The following KIAA1217 variants were observed in gnomAD, a reference collection of about 807,000 sequenced individuals.
KIAA1217 encodes the protein sickle tail protein homolog.
KIAA1217 carries 88 observed loss-of-function variants against 163.9 expected under a neutral mutation model. That is an observed-to-expected ratio of 0.54 (90% CI 0.45 to 0.64). The LOEUF (loss-of-function observed/expected upper bound fraction) is 0.64. Ranked by LOEUF, KIAA1217 falls within the 30% of genes least tolerant of loss-of-function variation. The probability of loss-of-function intolerance (pLI) is 0.00; values close to 1 mark genes in which losing one functional copy is unlikely to be tolerated. For missense variants in KIAA1217, 2,372 were observed against 2,475.0 expected, an observed-to-expected ratio of 0.96 and a Z score of 0.88; for synonymous variants, 903 against 923.1, an observed-to-expected ratio of 0.98 and a Z score of 0.39.
intron 2 of KIAA1217, among the ~76,000 whole-genome samples, chr10:24,274,825 T>A (rs2077107133): frequency 6.6e-6 from 1 of 152,224 alleles, no homozygotes; most frequent in Non-Finnish European, 1.5e-5. Context: ...ATTTTTTGTG[T>A]AAGGTGTATC....
intron 1 of KIAA1217, among the ~76,000 whole-genome samples, chr10:23,908,510 C>G (rs1485671065): frequency 1.3e-5 from 2 of 151,986 alleles, no homozygotes; most frequent in African/African-American, 4.8e-5. Context: ...CAGATACAAC[C>G]CTCAACTGTT....
rs759548260 is a variant in KIAA1217, at chr10:24,473,573, C to G, written c.1192C>G (p.Leu398Val). The change falls in exon 6 of 21, where the codon CTT (leucine) becomes GTT (valine). Residue 398 changes from leucine (L) to valine (V), a missense_variant. Transcript: ENST00000376454. ...RNEGFYADPY[L>V]YHEGRMSIAS... ...TGAGGGTTTCTATGCTGATCCTTAC[C>G]TTTATCACGAGGGACGGATGAGCAT... 1.2e-6 allele frequency: 2 copies of G among 1,614,154 alleles called. No individual in the cohort carries two copies. The highest frequency in any genetic ancestry group is 1.7e-6 in the Non-Finnish European group (2 of 1,180,026).
intron 2 of KIAA1217, among the ~76,000 whole-genome samples, chr10:24,150,890 G>A (rs1209787713): frequency 6.6e-6 from 1 of 152,148 alleles, no homozygotes; most frequent in Non-Finnish European, 1.5e-5. Context: ...CTTTCCCCAG[G>A]GGGTACTGAG....
At chr10:24,186,894 A>G (rs189753910) in intron 2 of KIAA1217, among the ~76,000 whole-genome samples, 7 of 152,284 alleles carry the variant, frequency 4.6e-5, no homozygotes, top group Non-Finnish European at 8.8e-5. Flanking sequence ...CGTCTAAAAA[A>G]AACAAAACGA....
chr10:24,404,895 T>C (rs2057034398), intron 3 of KIAA1217, among the ~76,000 whole-genome samples: 1 of 152,202 alleles, frequency 6.6e-6, no homozygotes, highest in South Asian at 2.1e-4. Flanking sequence ...TTACATACTG[T>C]ACCATTCCAC....
chr10:24,376,205 C>G (rs2134655279), intron 2 of KIAA1217, among the ~76,000 whole-genome samples: 1 of 152,332 alleles, frequency 6.6e-6, no homozygotes, highest in South Asian at 2.1e-4. Context: ...CACTACCTAG[C>G]TACATATATC....
intron 1 of KIAA1217, among the ~76,000 whole-genome samples, chr10:23,916,533 T>C (rs1286927643): frequency 1.3e-5 from 2 of 152,178 alleles, no homozygotes; most frequent in Non-Finnish European, 2.9e-5. Flanking sequence ...TTTAATGCTC[T>C]GGTAGTGCTA....
chr10:24,186,194 T>C (rs2066422216), intron 2 of KIAA1217, among the ~76,000 whole-genome samples: 1 of 152,076 alleles, frequency 6.6e-6, no homozygotes, highest in African/African-American at 2.4e-5. Flanking sequence ...TGCCCTGACT[T>C]TTTCAATTTT....
intron 1 of KIAA1217, among the ~76,000 whole-genome samples, chr10:23,865,272 C>T (rs1338947007): frequency 6.6e-6 from 1 of 152,140 alleles, no homozygotes; most frequent in East Asian, 1.9e-4. Flanking sequence ...TAATGCAGAT[C>T]AAATGAATGA....
At chr10:24,533,011 C>A in intron 15 of KIAA1217, 59 bp from the exon 16 acceptor site, 1 of 1,511,430 alleles carries the variant, frequency 6.6e-7, no homozygotes, top group Non-Finnish European at 9.0e-7. Context: ...CGATCTGTCC[C>A]TTTTTTGCTA....
At chr10:24,476,398 C>G (rs201183284) in intron 6 of KIAA1217, among the ~76,000 whole-genome samples, 2 of 152,104 alleles carry the variant, frequency 1.3e-5, no homozygotes, top group South Asian at 2.1e-4. Flanking sequence ...TGAGAGCCTC[C>G]ACTCCCTTTT....
chr10:24,264,765 TTCTCTCTC>T (rs55761615), intron 2 of KIAA1217, among the ~76,000 whole-genome samples: 10,595 of 131,920 alleles, frequency 0.08, 657 homozygotes, highest in East Asian at 0.32. Context: ...CGGTCGGTCT[TTCTCTCTC>T]TCTCTCTCTC....
chr10:23,755,309 T>G (rs1054564068), intron 1 of KIAA1217, among the ~76,000 whole-genome samples: 5 of 152,160 alleles, frequency 3.3e-5, no homozygotes, highest in African/African-American at 1.2e-4. Flanking sequence ...TTCTAATATA[T>G]ACGACAGTTC....
At chr10:24,138,465 T>C (rs1040627459) in intron 2 of KIAA1217, among the ~76,000 whole-genome samples, 4 of 152,226 alleles carry the variant, frequency 2.6e-5, no homozygotes, top group Non-Finnish European at 5.9e-5. Flanking sequence ...TTTTTTCACA[T>C]ACTTGCAATT....
chr10:23,901,525 T>C (rs1314027923), intron 1 of KIAA1217, among the ~76,000 whole-genome samples: 1 of 152,050 alleles, frequency 6.6e-6, no homozygotes, highest in African/African-American at 2.4e-5. Flanking sequence ...AAATCAAACA[T>C]CCAACTCCAA....
intron 1 of KIAA1217, among the ~76,000 whole-genome samples, chr10:24,219,035 A>G (rs952194714): frequency 2.0e-5 from 3 of 152,192 alleles, no homozygotes; most frequent in African/African-American, 4.8e-5. Flanking sequence ...AACTCTTTCT[A>G]TAATTACAGA....
intron 2 of KIAA1217, among the ~76,000 whole-genome samples, chr10:24,272,066 A>G (rs1278204478): frequency 1.3e-5 from 2 of 152,168 alleles, no homozygotes; most frequent in Non-Finnish European, 2.9e-5. Context: ...ACAACCTGAC[A>G]TCTCTCTACT....
intron 2 of KIAA1217, among the ~76,000 whole-genome samples, chr10:24,173,858 T>G (rs1295754880): frequency 1.3e-5 from 2 of 152,222 alleles, no homozygotes; most frequent in African/African-American, 4.8e-5. Context: ...AAAGTCACGT[T>G]GCCTTTTAAA....
intron 3 of KIAA1217, among the ~76,000 whole-genome samples, chr10:24,408,549 C>A (rs1201106737): frequency 6.6e-6 from 1 of 152,172 alleles, no homozygotes; most frequent in Non-Finnish European, 1.5e-5. Context: ...TAAAAGAGTA[C>A]AAGCCTTGGC....
Sources: gnomAD v4.1 joint callset for allele counts (sites outside exome capture counted in the v4.1 genomes callset) on GRCh38, gnomAD v4.1.1 for gene constraint, MANE v1.5 for transcripts, NCBI Gene and HGNC (gene_info 2026-07-23, HGNC 2026-07-21) for gene names.